CNKSR2: variants seen among roughly 807,000 people sequenced by gnomAD.
CNKSR2 encodes connector enhancer of kinase suppressor of Ras 2, also known as CNK homolog protein 2.
In CNKSR2, 14 loss-of-function variants were observed where a neutral mutation model predicts 84.4. The observed-to-expected ratio is 0.17, with a 90% CI of 0.11 to 0.26. The LOEUF (loss-of-function observed/expected upper bound fraction) is 0.26. Among genes scored for constraint, CNKSR2 ranks in the 10% least tolerant of loss-of-function variants. CNKSR2 has a pLI of 1.00. For synonymous variants in CNKSR2, 275 were observed against 277.9 expected (o/e 0.99, Z 0.10); for missense variants, 485 against 771.2 (o/e 0.63, Z 4.40).
At chrX:21,569,828 A>G (rs185994549) in intron 13 of CNKSR2, among the ~76,000 whole-genome samples, 1 of 112,429 alleles carries the variant, frequency 8.9e-6, no homozygotes, top group African/African-American at 3.2e-5. Context: ...AACCTTGTAC[A>G]TCTCCAACAG....
At chrX:21,465,950 A>G (rs2091122074) in intron 4 of CNKSR2, among the ~76,000 whole-genome samples, 1 of 111,708 alleles carries the variant, frequency 9.0e-6, no homozygotes, top group Non-Finnish European at 1.9e-5. Flanking sequence ...TGTATAGCTC[A>G]TCTGTGGGAG....
chrX:21,399,817 A>G (rs1378342619), intron 1 of CNKSR2, among the ~76,000 whole-genome samples: 1 of 111,802 alleles, frequency 8.9e-6, no homozygotes, highest in Non-Finnish European at 1.9e-5. Flanking sequence ...AAATACACCT[A>G]TATTTAAATG....
intron 5 of CNKSR2, among the ~76,000 whole-genome samples, chrX:21,475,334 T>G (rs1036430971): frequency 3.6e-5 from 4 of 112,017 alleles, no homozygotes; most frequent in Non-Finnish European, 7.5e-5. Context: ...TACTATGTAC[T>G]CAAATTTTTT....
intron 3 of CNKSR2, among the ~76,000 whole-genome samples, chrX:21,433,235 G>GC (rs2090658968): frequency 9.0e-6 from 1 of 111,479 alleles, no homozygotes; most frequent in South Asian, 3.7e-4. Context: ...TTCATAGCAT[G>GC]CCTTGTATGT....
At position 21,626,763 on chromosome X, in the gene CNKSR2, A is replaced by C. The variant is rs377000076; in HGVS notation, c.2692+17146A>C. Among the ~76,000 whole-genome samples, 14 of 112,511 alleles carry C rather than the reference A, an allele frequency of 1.2e-4. No homozygotes were observed. The East Asian group carries it at 2.0e-3, about 16-fold the overall frequency. On this transcript the variant is annotated intron_variant, in intron 20 of 21. Transcript: ENST00000379510. ...TTTAGAATGGTGACAATCAGTGTGCATATACAGTTTTTTCTAGCAATGCCC... is the reference window on the plus strand; with the variant it reads ...TTTAGAATGGTGACAATCAGTGTGCCTATACAGTTTTTTCTAGCAATGCCC...
chrX:21,467,208 T>C (rs1430363518), intron 4 of CNKSR2, among the ~76,000 whole-genome samples: 1 of 111,195 alleles, frequency 9.0e-6, no homozygotes, highest in African/African-American at 3.3e-5. Flanking sequence ...TCCTATAAAA[T>C]AGATCAAGTG....
At position 21,642,865 on chromosome X, in the gene CNKSR2, A is replaced by G. The variant is rs531381153; in HGVS notation, c.2693-5966A>G. On this transcript the variant is annotated intron_variant, in intron 20 of 21. Coordinates refer to ENST00000379510, the MANE Select transcript of CNKSR2 (RefSeq NM_014927.5). ...GAATAAAATCACATTGATCTGCCTTACAATTGCCTCTGTGCTCTAACCATT... is the reference window on the plus strand; with the variant it reads ...GAATAAAATCACATTGATCTGCCTTGCAATTGCCTCTGTGCTCTAACCATT... 1.4e-5 allele frequency: 10 copies of G among 736,502 alleles called. No homozygotes were observed. The Admixed American group carries it at 8.9e-4, about 66-fold the overall frequency. The allele number at this position is 736,502 out of a possible 1,213,427, so 60.7% of individuals were successfully genotyped here.
intron 13 of CNKSR2, among the ~76,000 whole-genome samples, chrX:21,576,870 C>T (rs939686869): frequency 7.2e-5 from 8 of 111,036 alleles, no homozygotes; most frequent in Non-Finnish European, 1.1e-4. Flanking sequence ...AATATCAATA[C>T]AGAAATACTT....
At chrX:21,531,075 A>G (rs2091881967) in intron 10 of CNKSR2, among the ~76,000 whole-genome samples, 1 of 111,114 alleles carries the variant, frequency 9.0e-6, no homozygotes, top group Non-Finnish European at 1.9e-5. Flanking sequence ...TTCTAGGAAT[A>G]TGTCTTTTTA....
chrX:21,505,524 A>C (rs1044875127), intron 8 of CNKSR2: 10 of 111,486 alleles, frequency 9.0e-5, no homozygotes, highest in African/African-American at 3.3e-4. Context: ...GTTGAGCAAG[A>C]CTAAGGATGG....
chrX:21,568,014 A>G (rs1337861237), intron 13 of CNKSR2, among the ~76,000 whole-genome samples: 2 of 112,165 alleles, frequency 1.8e-5, no homozygotes, highest in East Asian at 2.8e-4. Flanking sequence ...TAGGCCGAGC[A>G]CGGTGGCTCA....
intron 17 of CNKSR2, among the ~76,000 whole-genome samples, chrX:21,598,780 T>C (rs1174896367): frequency 2.7e-5 from 3 of 112,795 alleles, no homozygotes; most frequent in Non-Finnish European, 5.6e-5. Flanking sequence ...GATATGGAAA[T>C]CATGAAGGCA....
intron 1 of CNKSR2, among the ~76,000 whole-genome samples, chrX:21,379,198 A>C (rs1309007468): frequency 8.9e-6 from 1 of 112,990 alleles, no homozygotes; most frequent in Non-Finnish European, 1.9e-5. Context: ...GACAGGTACA[A>C]TACTCTTTAG....
At chrX:21,430,186 C>T (rs1361791846) in intron 2 of CNKSR2, among the ~76,000 whole-genome samples, 2 of 111,341 alleles carry the variant, frequency 1.8e-5, no homozygotes, top group African/African-American at 3.3e-5. Context: ...CTCTATTCTG[C>T]GTAATATATT....
intron 1 of CNKSR2, among the ~76,000 whole-genome samples, chrX:21,408,915 T>TA (rs949199615): frequency 3.6e-5 from 4 of 110,019 alleles, no homozygotes; most frequent in African/African-American, 1.3e-4. Context: ...TTGCCAACAA[T>TA]ATGAATGTGG....
chrX:21,426,736 C>G (rs1287467523), intron 2 of CNKSR2, 76 bp downstream of exon 2: 1 of 1,050,386 alleles, frequency 9.5e-7, no homozygotes, highest in Non-Finnish European at 1.3e-6. Context: ...TTCTTCTCCT[C>G]TTTTGATAAT....
chrX:21,620,211 C>A (rs2092595855), intron 20 of CNKSR2, among the ~76,000 whole-genome samples: 1 of 110,453 alleles, frequency 9.1e-6, no homozygotes, highest in Non-Finnish European at 1.9e-5. Flanking sequence ...TTTTAAGCAT[C>A]TTTTTTTAAT....
At chrX:21,557,081 AG>A (rs757243660) in intron 11 of CNKSR2, among the ~76,000 whole-genome samples, 1 of 110,490 alleles carries the variant, frequency 9.1e-6, no homozygotes, top group Non-Finnish European at 1.9e-5. Flanking sequence ...TAAAGGCACT[AG>A]GAAAAAGCTT....
chrX:21,514,617 A>C (rs1369615986), intron 8 of CNKSR2, among the ~76,000 whole-genome samples: 2 of 111,792 alleles, frequency 1.8e-5, no homozygotes, highest in East Asian at 5.6e-4. Context: ...ATTTTATAAT[A>C]AGTAAAATGA....
Sources: gnomAD v4.1 joint callset for allele counts (sites outside exome capture counted in the v4.1 genomes callset) on GRCh38, gnomAD v4.1.1 for gene constraint, MANE v1.5 for transcripts, NCBI Gene and HGNC (gene_info 2026-07-23, HGNC 2026-07-21) for gene names.